Variants in SORBS2 observed in about 807,000 individuals in gnomAD.
SORBS2 encodes the protein sorbin and SH3 domain containing 2, also known as sorbin and SH3 domain-containing protein 2.
In SORBS2, 46 loss-of-function variants were observed where a neutral mutation model predicts 97.7. The ratio of observed to expected loss-of-function variants is 0.47; its 90% CI spans 0.37 to 0.60. SORBS2 has a LOEUF of 0.60. Ranked by LOEUF, SORBS2 falls within the 20% of genes least tolerant of loss-of-function variation. The pLI, the probability that SORBS2 is intolerant of heterozygous loss-of-function variation, is 0.00. For missense variants in SORBS2, 1,316 were observed against 1,282.3 expected (o/e 1.03, Z -0.40); for synonymous variants, 476 against 473.4 (o/e 1.01, Z -0.07).
At chr4:185,739,532 G>A (rs1274133839) in intron 2 of SORBS2, among the ~76,000 whole-genome samples, 1 of 152,174 alleles carries the variant, frequency 6.6e-6, no homozygotes, top group Non-Finnish European at 1.5e-5. Flanking sequence ...TAGTTTGCAG[G>A]GAAATTCTGA....
Position 185,901,104 on chromosome 4 carries a change from A to C in SORBS2, c.-338+55092T>G, listed in dbSNP as rs1469768184. 2.6e-5 allele frequency among the ~76,000 whole-genome samples: 4 copies of C among 152,322 alleles called. No homozygotes were observed. In the East Asian group the frequency reaches 7.7e-4, roughly 29 times the overall value. On this transcript the variant is annotated intron_variant, in intron 1 of 20. Coordinates refer to the SORBS2 transcript ENST00000284776. ...GTTTTAAATTATGATGCCATTTACAAAATTCAATTTATATCTATCTTTTCG... is the reference window on the plus strand; with the variant it reads ...GTTTTAAATTATGATGCCATTTACACAATTCAATTTATATCTATCTTTTCG...
chr4:185,710,295 C>T (rs766908781), intron 2 of SORBS2, among the ~76,000 whole-genome samples: 2 of 152,238 alleles, frequency 1.3e-5, no homozygotes, highest in Admixed American at 6.5e-5. Context: ...TCAGTCTTGA[C>T]GCCTGGGAGC....
intron 2 of SORBS2, among the ~76,000 whole-genome samples, chr4:185,715,860 A>G (rs2153554207): frequency 6.6e-6 from 1 of 152,372 alleles, no homozygotes; most frequent in African/African-American, 2.4e-5. Flanking sequence ...AGTGCTTAAT[A>G]AATGTTGCTG....
At chr4:185,701,617 G>A (rs547360321) in intron 2 of SORBS2, among the ~76,000 whole-genome samples, 2 of 152,256 alleles carry the variant, frequency 1.3e-5, no homozygotes, top group African/African-American at 2.4e-5. Context: ...TGGAGTGATC[G>A]CTTTTCTATA....
rs556090555 is a variant in SORBS2 at position 185,844,154 on chromosome 4, T to C, written c.-337-68788A>G. Among the ~76,000 whole-genome samples, 5 of 152,306 alleles carry C rather than the reference T, an allele frequency of 3.3e-5. No individual in the cohort carries two copies. In the South Asian group the frequency reaches 6.2e-4, roughly 19 times the overall value. ...TTGCTAAACAAAGACTGGAACCATA[T>C]GTGTAAAAATGAACACTGATAAATA... On this transcript the variant is annotated intron_variant, in intron 1 of 20. Coordinates refer to the SORBS2 transcript ENST00000284776.
At chr4:185,886,554 CAAAA>C (rs1198439527) in intron 1 of SORBS2, among the ~76,000 whole-genome samples, 1 of 72,948 alleles carries the variant, frequency 1.4e-5, no homozygotes, top group Non-Finnish European at 2.6e-5. Flanking sequence ...GACTCTGTCT[CAAAA>C]AAAAAAAAAA....
intron 1 of SORBS2, among the ~76,000 whole-genome samples, chr4:185,804,590 T>G (rs75234854): frequency 0.015 from 2,226 of 152,314 alleles, 22 homozygotes; most frequent in Non-Finnish European, 0.022. Context: ...AAGTCCCTAC[T>G]TTTTAGTATT....
intron 1 of SORBS2, among the ~76,000 whole-genome samples, chr4:185,886,730 C>T (rs1230914688): frequency 1.3e-5 from 2 of 152,072 alleles, no homozygotes; most frequent in African/African-American, 4.8e-5. Flanking sequence ...AAAAGAATAG[C>T]AGCACCATGA....
At chr4:185,605,837 G>A (rs556575642) in intron 12 of SORBS2, among the ~76,000 whole-genome samples, 5 of 152,266 alleles carry the variant, frequency 3.3e-5, no homozygotes, top group African/African-American at 4.8e-5. Context: ...TGCCTGCCTC[G>A]GCCTCTGGAA....
chr4:185,677,047 T>A, intron 4 of SORBS2: 3 of 1,551,402 alleles, frequency 1.9e-6, no homozygotes, highest in Non-Finnish European at 2.6e-6. Context: ...GATTTTTGTC[T>A]CTCTTGCTGA....
At chr4:185,615,424 A>G (rs185690689) in intron 9 of SORBS2, among the ~76,000 whole-genome samples, 5 of 152,316 alleles carry the variant, frequency 3.3e-5, no homozygotes, top group Admixed American at 2.6e-4. Flanking sequence ...AAGAAGTTTA[A>G]AGGAGGGGAC....
chr4:185,624,247 G>T, exon 7 of SORBS2: 1 of 1,614,208 alleles, frequency 6.2e-7, no homozygotes. Flanking sequence ...TATCGCAGTC[G>T]TCGTTTAGGA....
chr4:185,594,056 G>T, intron 12 of SORBS2, 121 bp from the exon 25 acceptor site: 1 of 662,520 alleles, frequency 1.5e-6, no homozygotes, highest in Non-Finnish European at 2.6e-6. Flanking sequence ...AAAACCAAGA[G>T]GAAGAAAAAA....
intron 1 of SORBS2, among the ~76,000 whole-genome samples, chr4:185,852,459 C>T (rs1283313491): frequency 1.3e-5 from 2 of 152,280 alleles, no homozygotes; most frequent in Admixed American, 1.3e-4. Context: ...CATACTCTGA[C>T]AAATACAATC....
In SORBS2 at chr4:185,744,917, G is replaced by T. The variant is rs572295976; in HGVS notation, c.-198+30310C>A. On this transcript the variant is annotated intron_variant, in intron 2 of 20. Transcript: ENST00000284776. ...TTCACTAAGGGTGAGCCTTCTTTTGGATTGGGGGCTCAGAAGAGAGAGTCA... is the reference window on the plus strand; with the variant it reads ...TTCACTAAGGGTGAGCCTTCTTTTGTATTGGGGGCTCAGAAGAGAGAGTCA... 5.3e-5 allele frequency among the ~76,000 whole-genome samples: 8 copies of T among 152,318 alleles called. No homozygotes were observed. In the South Asian group the frequency reaches 1.7e-3, roughly 32 times the overall value.
intron 13 of SORBS2, chr4:185,592,893 CAG>C (rs1561277773): frequency 6.6e-6 from 1 of 152,190 alleles, no homozygotes; most frequent in Non-Finnish European, 1.5e-5. Flanking sequence ...TTCCAAAATA[CAG>C]ACTTTCCCGC....
At chr4:185,938,349 G>A (rs2099270051) in intron 1 of SORBS2, among the ~76,000 whole-genome samples, 1 of 148,262 alleles carries the variant, frequency 6.7e-6, no homozygotes, top group Non-Finnish European at 1.5e-5. Context: ...GATAATCTAG[G>A]GGAACCTAGG....
At chr4:185,881,350 C>T (rs1047395045) in intron 1 of SORBS2, among the ~76,000 whole-genome samples, 5 of 152,106 alleles carry the variant, frequency 3.3e-5, no homozygotes, top group African/African-American at 1.2e-4. Flanking sequence ...TAGCACCAAA[C>T]CTTCTTTTTA....
chr4:185,754,141 CT>C, intron 2 of SORBS2, among the ~76,000 whole-genome samples: 1 of 152,242 alleles, frequency 6.6e-6, no homozygotes, highest in Non-Finnish European at 1.5e-5. Flanking sequence ...AGATGATGTC[CT>C]TTGCAGCAAC....
Sources: allele counts gnomAD v4.1 joint callset (sites outside exome capture counted in the v4.1 genomes callset), GRCh38; gene constraint gnomAD v4.1.1; transcripts MANE v1.5; gene names NCBI Gene and HGNC (gene_info 2026-07-23, HGNC 2026-07-21).